Variants in RIMS1 observed in about 807,000 individuals in gnomAD.
RIMS1 encodes regulating synaptic membrane exocytosis 1.
Under a neutral mutation model 214.1 loss-of-function variants are expected in RIMS1, and 83 were observed. That is an observed-to-expected ratio of 0.39 (90% confidence interval 0.32 to 0.47). RIMS1 has a LOEUF of 0.47. RIMS1 is among the 20% of genes least tolerant of loss of function. The pLI is 0.99. For synonymous variants in RIMS1, 793 were observed against 786.8 expected (o/e 1.01, Z -0.13); for missense variants, 2,050 against 2,161.8 (o/e 0.95, Z 1.03).
rs562123040 is a variant in RIMS1, at chr6:72,256,399, T to G, written c.2771-1726T>G. ...CAAGATTTCACTTGTTTCCTTAAAG[T>G]CCCTTCTTAAAAGGATAAAAGAGGC... On this transcript the variant is annotated intron_variant, in intron 16 of 33. Transcript: ENST00000521978. 9.5e-4 allele frequency among the ~76,000 whole-genome samples: 144 copies of G among 152,238 alleles called. 1 individual carries two copies. The highest frequency in any genetic ancestry group is 1.8e-3 in the Non-Finnish European group (120 of 67,984).
At chr6:72,245,665 A>G (rs988536162) in intron 10 of RIMS1, 150 bp from the exon 11 acceptor site, 40 of 512,006 alleles carry the variant, frequency 7.8e-5, no homozygotes, top group Non-Finnish European at 1.4e-4. Context: ...ACATTCATGC[A>G]CATTAGTAGT....
intron 4 of RIMS1, among the ~76,000 whole-genome samples, chr6:72,160,779 G>A (rs1351786440): frequency 7.1e-6 from 1 of 140,832 alleles, no homozygotes; most frequent in African/African-American, 2.5e-5. Flanking sequence ...GCTGGATTTG[G>A]TTTGCCAGTA....
At chr6:72,188,673 G>A (rs539806148) in intron 6 of RIMS1, among the ~76,000 whole-genome samples, 60 of 152,276 alleles carry the variant, frequency 3.9e-4, no homozygotes, top group Middle Eastern at 3.4e-3. Flanking sequence ...GCAGTTTGTG[G>A]TTTTTTACCT....
At chr6:71,914,713 A>G (rs563934706) in intron 1 of RIMS1, among the ~76,000 whole-genome samples, 1 of 152,318 alleles carries the variant, frequency 6.6e-6, no homozygotes, top group East Asian at 1.9e-4. Context: ...CACTTTGCCA[A>G]AAGGCTTTGA....
At chr6:71,960,497 C>A (rs1387141318) in intron 1 of RIMS1, among the ~76,000 whole-genome samples, 3 of 152,060 alleles carry the variant, frequency 2.0e-5, no homozygotes. Context: ...ATGACTGGGA[C>A]TTTTGTTTAT....
At chr6:72,191,393 G>A (rs950031812) in intron 6 of RIMS1, among the ~76,000 whole-genome samples, 4 of 152,158 alleles carry the variant, frequency 2.6e-5, no homozygotes, top group Non-Finnish European at 5.9e-5. Flanking sequence ...AATTTTAGTC[G>A]AATTTATTTC....
intron 1 of RIMS1, among the ~76,000 whole-genome samples, chr6:71,937,411 C>T (rs1194206708): frequency 6.6e-6 from 1 of 152,076 alleles, no homozygotes; most frequent in African/African-American, 2.4e-5. Context: ...CAGGTGCACG[C>T]CCAGCTAATT....
At chr6:72,217,981 A>C (rs1207553514) in intron 6 of RIMS1, among the ~76,000 whole-genome samples, 1 of 152,180 alleles carries the variant, frequency 6.6e-6, no homozygotes, top group African/African-American at 2.4e-5. Context: ...TAGGAATGGC[A>C]AAACATTTTT....
At chr6:72,330,646 A>T (rs1169469572) in intron 28 of RIMS1, among the ~76,000 whole-genome samples, 1 of 151,856 alleles carries the variant, frequency 6.6e-6, no homozygotes, top group Non-Finnish European at 1.5e-5. Context: ...TATAAAGCAG[A>T]AAACCTTAAG....
At chr6:72,311,829 G>C (rs989805137) in intron 27 of RIMS1, among the ~76,000 whole-genome samples, 1 of 152,090 alleles carries the variant, frequency 6.6e-6, no homozygotes, top group South Asian at 2.1e-4. Flanking sequence ...AAACTAGCCA[G>C]GTGTGGCACC....
intron 29 of RIMS1, among the ~76,000 whole-genome samples, chr6:72,347,033 T>A (rs1470974593): frequency 6.6e-6 from 1 of 151,780 alleles, no homozygotes; most frequent in Non-Finnish European, 1.5e-5. Flanking sequence ...AGGAGTTAAT[T>A]TACCCTACTT....
chr6:72,046,249 G>C (rs1562195052), intron 2 of RIMS1, among the ~76,000 whole-genome samples: 1 of 151,966 alleles, frequency 6.6e-6, no homozygotes, highest in Non-Finnish European at 1.5e-5. Context: ...TTCAGAAAGT[G>C]CTGCCTGGTG....
At chr6:72,342,554 G>C (rs1365944622) in intron 29 of RIMS1, among the ~76,000 whole-genome samples, 1 of 151,272 alleles carries the variant, frequency 6.6e-6, no homozygotes, top group Admixed American at 6.6e-5. Flanking sequence ...TTTTTTCTTT[G>C]ATTCTACCAA....
intron 29 of RIMS1, among the ~76,000 whole-genome samples, chr6:72,340,149 A>G (rs1050016499): frequency 1.6e-4 from 25 of 151,578 alleles, no homozygotes; most frequent in Non-Finnish European, 3.1e-4. Context: ...TTTTTCTTGT[A>G]AATTTGTTTG....
At chr6:71,998,249 C>T (rs1435753315) in intron 2 of RIMS1, among the ~76,000 whole-genome samples, 2 of 151,996 alleles carry the variant, frequency 1.3e-5, no homozygotes, top group African/African-American at 4.8e-5. Flanking sequence ...CCTCAGTGGT[C>T]GACTCACTTA....
chr6:72,351,432 T>G (rs2097442415), intron 29 of RIMS1, among the ~76,000 whole-genome samples: 1 of 152,194 alleles, frequency 6.6e-6, no homozygotes, highest in African/African-American at 2.4e-5. Flanking sequence ...TAAGAGTTGT[T>G]CAGCCCATAT....
chr6:72,136,787 C>T (rs1053057444), intron 4 of RIMS1, among the ~76,000 whole-genome samples: 3 of 151,966 alleles, frequency 2.0e-5, no homozygotes, highest in East Asian at 1.9e-4. Context: ...TCAATAAATG[C>T]TTGAAAAATG....
chr6:72,275,275 G>A (rs1455905182), intron 23 of RIMS1, among the ~76,000 whole-genome samples: 4 of 150,602 alleles, frequency 2.7e-5, no homozygotes, highest in South Asian at 2.1e-4. Flanking sequence ...TTCAGCCAAC[G>A]CATTGGTAAT....
At chr6:72,339,555 A>G (rs1314808893) in intron 29 of RIMS1, among the ~76,000 whole-genome samples, 1 of 151,756 alleles carries the variant, frequency 6.6e-6, no homozygotes, top group Non-Finnish European at 1.5e-5. Flanking sequence ...TGTCCTTGCA[A>G]TAGTTTGCTG....
Sources: allele counts gnomAD v4.1 joint callset (sites outside exome capture counted in the v4.1 genomes callset), GRCh38; gene constraint gnomAD v4.1.1; transcripts MANE v1.5; gene names NCBI Gene and HGNC (gene_info 2026-07-23, HGNC 2026-07-21).